The following TPO variants were observed in gnomAD, a reference collection of about 807,000 sequenced individuals.
TPO encodes thyroid microsomal antigen.
TPO carries 78 observed loss-of-function variants against 96.9 expected under a neutral mutation model. The ratio of observed to expected loss-of-function variants is 0.81; its 90% CI spans 0.67 to 0.97. The LOEUF is 0.97. TPO is among the 50% of genes least tolerant of loss of function. The probability of loss-of-function intolerance (pLI) is 0.00; values close to 1 mark genes in which losing one functional copy is unlikely to be tolerated. For synonymous variants in TPO, 547 were observed against 538.0 expected, an observed-to-expected ratio of 1.02 and a Z score of -0.23; for missense variants, 1,252 against 1,274.8, an observed-to-expected ratio of 0.98 and a Z score of 0.27.
intron 15 of TPO, among the ~76,000 whole-genome samples, chr2:1,534,771 T>C (rs1679178562): frequency 6.4e-5 from 9 of 141,326 alleles, no homozygotes; most frequent in Admixed American, 5.0e-4. Flanking sequence ...GTGTGCAACC[T>C]CCTCAAATAT....
In TPO at chr2:1,543,138, T is replaced by C. The variant is rs1182317249; in HGVS notation, c.*664T>C. 1 of 153,684 alleles carries C rather than the reference T, an allele frequency of 6.5e-6. No homozygotes were observed. Among genetic ancestry groups the C allele is most frequent in the East Asian group, 1.9e-4 (1 of 5,202 alleles). 9.5% of individuals were successfully genotyped at this position (153,684 alleles called of 1,614,324 possible). ...CTCACTCACGGGGAACACAGCCCAGTGATCCCGGAGGAAACTCACTCCCTC... is the reference window on the plus strand; with the variant it reads ...CTCACTCACGGGGAACACAGCCCAGCGATCCCGGAGGAAACTCACTCCCTC... On this transcript the variant is annotated 3_prime_UTR_variant, in exon 17 of 17. Transcript: ENST00000329066.
intron 1 of TPO, among the ~76,000 whole-genome samples, chr2:1,396,140 C>A (rs952829323): frequency 1.3e-5 from 2 of 152,202 alleles, no homozygotes; most frequent in African/African-American, 2.4e-5. Context: ...GGCCCCATCT[C>A]CCCTTGGAAA....
intron 15 of TPO, among the ~76,000 whole-genome samples, chr2:1,535,712 C>G (rs1322166750): frequency 1.1e-5 from 1 of 94,082 alleles, no homozygotes; most frequent in Middle Eastern, 6.3e-3. Context: ...TGCAACCTCC[C>G]GAAATCCACC....
chr2:1,500,155 A>G (rs971479398), intron 13 of TPO, among the ~76,000 whole-genome samples: 2 of 152,234 alleles, frequency 1.3e-5, no homozygotes, highest in Non-Finnish European at 2.9e-5. Context: ...AGTGGGCCAC[A>G]GGCACACACA....
intron 15 of TPO, among the ~76,000 whole-genome samples, chr2:1,524,243 C>T (rs549833815): frequency 4.8e-4 from 70 of 147,106 alleles, no homozygotes; most frequent in Non-Finnish European, 7.2e-4. Context: ...TCCTCAAATC[C>T]CCCCACTGTG....
chr2:1,427,648 A>G (rs1664558329), intron 3 of TPO, among the ~76,000 whole-genome samples: 1 of 152,222 alleles, frequency 6.6e-6, no homozygotes, highest in African/African-American at 2.4e-5. Flanking sequence ...TAATTTCGGC[A>G]TGGACAGAAG....
intron 10 of TPO, among the ~76,000 whole-genome samples, chr2:1,489,597 A>G (rs1302551804): frequency 6.6e-6 from 1 of 152,218 alleles, no homozygotes; most frequent in African/African-American, 2.4e-5. Context: ...GGCTGTGATC[A>G]CTAGCACCCA....
rs559988994 is a variant in TPO at position 1,464,313 on chromosome 2, G to A, written c.819+8031G>A. Reference sequence around the variant, plus strand: ...CACTCATTGATTGATGGGCATTTGGGTTGCTTCCACAGTTTGGCAATTGTG... The same window carrying A: ...CACTCATTGATTGATGGGCATTTGGATTGCTTCCACAGTTTGGCAATTGTG... On this transcript the variant is annotated intron_variant, in intron 7 of 16. Coordinates refer to ENST00000329066, the MANE Select transcript of TPO (RefSeq NM_001206744.2). 2.6e-5 allele frequency among the ~76,000 whole-genome samples: 4 copies of A among 152,274 alleles called. No homozygotes were observed. The East Asian group carries it at 7.7e-4, about 29-fold the overall frequency.
chr2:1,492,190 T>G (rs911877577), intron 10 of TPO, among the ~76,000 whole-genome samples: 10 of 152,214 alleles, frequency 6.6e-5, no homozygotes, highest in Non-Finnish European at 1.5e-4. Context: ...GTCTCACTCT[T>G]GTCACCCAGG....
At chr2:1,443,119 G>T (rs1335629431) in intron 5 of TPO, among the ~76,000 whole-genome samples, 2 of 152,244 alleles carry the variant, frequency 1.3e-5, no homozygotes, top group African/African-American at 4.8e-5. Flanking sequence ...TTGATCTGAT[G>T]AACTACTGCA....
chr2:1,492,893 C>T (rs1197079426), intron 10 of TPO, among the ~76,000 whole-genome samples: 1 of 152,106 alleles, frequency 6.6e-6, no homozygotes, highest in Non-Finnish European at 1.5e-5. Flanking sequence ...GTGAGGGTCG[C>T]CCATCCTTGA....
chr2:1,482,345 C>T (rs926063592), intron 8 of TPO, among the ~76,000 whole-genome samples: 2 of 152,146 alleles, frequency 1.3e-5, no homozygotes, highest in Non-Finnish European at 2.9e-5. Flanking sequence ...TGGAGAGTGG[C>T]CACAAGTCAG....
At chr2:1,534,491 C>CA in intron 15 of TPO, among the ~76,000 whole-genome samples, 1 of 88,884 alleles carries the variant, frequency 1.1e-5, no homozygotes, top group South Asian at 5.0e-4. Context: ...CTCCCCAAAC[C>CA]CCCCACGCAG....
chr2:1,430,034 A>G (rs546179347), intron 3 of TPO, among the ~76,000 whole-genome samples: 2 of 152,350 alleles, frequency 1.3e-5, no homozygotes, highest in East Asian at 3.9e-4. Flanking sequence ...GCATGACTAA[A>G]AGGGAGCCAA....
At chr2:1,542,184 A>G (rs1680841759) in intron 16 of TPO, 1 of 612,650 alleles carries the variant, frequency 1.6e-6, no homozygotes, top group Non-Finnish European at 2.9e-6. Context: ...TGCAGATCCC[A>G]CTCTGTGAGT....
At chr2:1,535,056 C>A (rs1252976787) in intron 15 of TPO, among the ~76,000 whole-genome samples, 2 of 111,694 alleles carry the variant, frequency 1.8e-5, no homozygotes, top group East Asian at 3.3e-4. Flanking sequence ...GTGCAACCTC[C>A]CCAAATCTCC....
chr2:1,441,587 T>C (rs147419323), intron 5 of TPO, among the ~76,000 whole-genome samples: 1 of 152,310 alleles, frequency 6.6e-6, no homozygotes, highest in African/African-American at 2.4e-5. Flanking sequence ...CTCTTCATCA[T>C]CCTGGACTCA....
chr2:1,415,024 C>A (rs1248678682), intron 2 of TPO, among the ~76,000 whole-genome samples: 2 of 152,252 alleles, frequency 1.3e-5, no homozygotes, highest in African/African-American at 4.8e-5. Flanking sequence ...ACCCCATGGA[C>A]ACCGCTGGCC....
intron 1 of TPO, among the ~76,000 whole-genome samples, chr2:1,394,552 A>T (rs754890217): frequency 1.3e-5 from 2 of 152,220 alleles, no homozygotes; most frequent in Non-Finnish European, 2.9e-5. Flanking sequence ...CACTTGAAGC[A>T]TGCATGTCTC....
Sources: allele counts gnomAD v4.1 joint callset (sites outside exome capture counted in the v4.1 genomes callset), GRCh38; gene constraint gnomAD v4.1.1; transcripts MANE v1.5; gene names NCBI Gene and HGNC (gene_info 2026-07-23, HGNC 2026-07-21).